The following PRKCI variants were observed in gnomAD, a reference collection of about 807,000 sequenced individuals.
The protein encoded by PRKCI is protein kinase C iota type.
In PRKCI, 43 loss-of-function variants were observed where a neutral mutation model predicts 84.0. That is an observed-to-expected ratio of 0.51 (90% CI 0.40 to 0.66). The LOEUF (loss-of-function observed/expected upper bound fraction) is 0.66. PRKCI is among the 30% of genes least tolerant of loss of function. The pLI, the probability that PRKCI is intolerant of heterozygous loss-of-function variation, is 0.00. For missense variants in PRKCI, 459 were observed against 745.6 expected (o/e 0.62, Z 4.48); for synonymous variants, 216 against 234.4 (o/e 0.92, Z 0.72).
chr3:170,246,103 C>T (rs950083656), intron 2 of PRKCI, among the ~76,000 whole-genome samples: 81 of 151,948 alleles, frequency 5.3e-4, no homozygotes, highest in African/African-American at 1.8e-3. Flanking sequence ...CAGGAGTGCT[C>T]CACCACGCCC....
intron 1 of PRKCI, among the ~76,000 whole-genome samples, chr3:170,234,057 G>C (rs1468465660): frequency 2.1e-4 from 18 of 87,662 alleles, no homozygotes; most frequent in African/African-American, 7.9e-4. Context: ...TTTTGAGATG[G>C]AGTTTCGCTC....
At chr3:170,269,688 G>A (rs7646679) in intron 5 of PRKCI, among the ~76,000 whole-genome samples, 12,314 of 152,062 alleles carry the variant, frequency 0.081, 1,198 homozygotes, top group African/African-American at 0.23. Flanking sequence ...CAAGTGCGGT[G>A]GCTCACACGT....
intron 11 of PRKCI, 62 bp from the exon 12 acceptor site, chr3:170,284,399 A>G (rs1428440946): frequency 3.0e-6 from 4 of 1,344,438 alleles, no homozygotes; most frequent in African/African-American, 3.0e-5. Flanking sequence ...TTGTGTTTCC[A>G]GTTGTAAATG....
At chr3:170,295,785 C>T (rs1455743314) in intron 14 of PRKCI, 126 bp from the exon 15 acceptor site, 1 of 434,984 alleles carries the variant, frequency 2.3e-6, no homozygotes, top group Non-Finnish European at 4.0e-6. Context: ...GTCAAAGCTG[C>T]AGTGAGCTGT....
chr3:170,296,362 A>G (rs898929065), intron 15 of PRKCI, among the ~76,000 whole-genome samples: 1 of 152,160 alleles, frequency 6.6e-6, no homozygotes, highest in African/African-American at 2.4e-5. Context: ...ATTTATTACC[A>G]TGTACTTTTT....
intron 16 of PRKCI, among the ~76,000 whole-genome samples, chr3:170,297,759 C>G (rs898597392): frequency 2.0e-5 from 3 of 151,268 alleles, no homozygotes; most frequent in Non-Finnish European, 4.4e-5. Context: ...CCCGGCCTAT[C>G]TCGGGCCAAA....
chr3:170,281,829 T>C, intron 10 of PRKCI, 53 bp from the exon 11 acceptor site: 1 of 1,530,962 alleles, frequency 6.5e-7, no homozygotes, highest in Non-Finnish European at 8.8e-7. Context: ...AAATGCAAAG[T>C]TACACTACCT....
Position 170,235,310 on chromosome 3 carries a change from A to G in PRKCI, c.182A>G (p.Asp61Gly), listed in dbSNP as rs1350537092. The part of the protein sequence containing the change: ...CNEVRDMCSF[D>G]NEQLFTMKWI... Reference sequence around the variant, plus strand: ...GAGGTTCGAGACATGTGTTCTTTTGACAACGAACAGCTCTTCACCATGAAA... The same window carrying G: ...GAGGTTCGAGACATGTGTTCTTTTGGCAACGAACAGCTCTTCACCATGAAA... Residue 61 changes from aspartate to glycine, a missense_variant, in exon 2 of 18, where the codon GAC becomes GGC. Around this residue, in one of 2 missense-constraint regions of PRKCI, gnomAD observed 250 missense variants for 319.7 expected, o/e 0.78. Coordinates refer to ENST00000295797, the MANE Select transcript of PRKCI (RefSeq NM_002740.6). 6.2e-7 allele frequency: 1 copy of G among 1,614,088 alleles called. No homozygotes were observed. The highest frequency in any genetic ancestry group is 8.5e-7 in the Non-Finnish European group (1 of 1,179,980).
intron 8 of PRKCI, among the ~76,000 whole-genome samples, chr3:170,277,434 T>C (rs1734142316): frequency 6.6e-6 from 1 of 152,018 alleles, no homozygotes; most frequent in African/African-American, 2.4e-5. Context: ...AACTTGGGCG[T>C]GATGGCTCAC....
In PRKCI at chr3:170,305,465, A is replaced by C. The variant is rs1053355129; in HGVS notation, c.*2338A>C. 46 of 152,626 alleles carry C rather than the reference A, an allele frequency of 3.0e-4. No individual in the cohort carries two copies. Among genetic ancestry groups the C allele is most frequent in the African/African-American group, 1.1e-3 (46 of 41,454 alleles). 9.5% of individuals were successfully genotyped at this position (152,626 alleles called of 1,614,324 possible). ...TCTACCTTCCCACCAGCCCCCCAAA[A>C]AACCTCTCAGTAGTTTCTTTCAGTG... On this transcript the variant is annotated 3_prime_UTR_variant, in exon 18 of 18. Transcript: ENST00000295797.
At position 170,246,027 on chromosome 3, in the gene PRKCI, T is replaced by TAC. The variant is rs1733275691; in HGVS notation, c.223+10676_223+10677insAC. On this transcript the variant is annotated intron_variant, in intron 2 of 17. Coordinates refer to ENST00000295797, the MANE Select transcript of PRKCI (RefSeq NM_002740.6). ...TGGAATGCAGTGGTGTGATCATGGC[T>TAC]CACTGCAGCCTACCTCTCAGGCTAA... 6.1e-5 allele frequency among the ~76,000 whole-genome samples: 9 copies of TAC among 147,290 alleles called. 1 individual carries two copies. The South Asian group carries it at 6.6e-4, about 11-fold the overall frequency.
Position 170,305,647 on chromosome 3 carries a change from C to CT in PRKCI, c.*2523dup. On this transcript the variant is annotated 3_prime_UTR_variant, in exon 18 of 18. Transcript: ENST00000295797. ...TTAATTGTGTTCTGTTTTTTGCAGTCTTTAAGTGCCATGCCAATTGTTCTT... is the reference window on the plus strand; with the variant it reads ...TTAATTGTGTTCTGTTTTTTGCAGTCTTTTAAGTGCCATGCCAATTGTTCTT... The CT allele has an allele frequency of 1.3e-5, 2 of 152,212 alleles. No individual in the cohort carries two copies. The highest frequency in any genetic ancestry group is 4.8e-5 in the African/African-American group (2 of 41,538). 9.4% of individuals were successfully genotyped at this position (152,212 alleles called of 1,614,324 possible).
intron 8 of PRKCI, among the ~76,000 whole-genome samples, chr3:170,278,425 G>C (rs1734169899): frequency 6.6e-6 from 1 of 152,160 alleles, no homozygotes; most frequent in South Asian, 2.1e-4. Flanking sequence ...TTTAGACCGG[G>C]AGGATCATTT....
In PRKCI at chr3:170,295,980, T is replaced by A; in HGVS notation, c.1487T>A (p.Phe496Tyr). The change falls in exon 15 of 18, where the codon TTT becomes TAT. Residue 496 changes from phenylalanine to tyrosine, a missense_variant. Coordinates refer to ENST00000295797, the MANE Select transcript of PRKCI (RefSeq NM_002740.6). ...AAAGCTGCAAGTGTTCTGAAGAGTTTTCTTAATAAGGTATAAATTGTGTAT... is the reference window on the plus strand; with the variant it reads ...AAAGCTGCAAGTGTTCTGAAGAGTTATCTTAATAAGGTATAAATTGTGTAT... ...SVKAASVLKS[F>Y]LNKDPKERLG... 1.3e-6 allele frequency: 2 copies of A among 1,544,098 alleles called. No homozygotes were observed. Among genetic ancestry groups the A allele is most frequent in the Non-Finnish European group, 1.8e-6 (2 of 1,135,948 alleles).
chr3:170,301,911 G>C (rs1734829541), intron 17 of PRKCI, among the ~76,000 whole-genome samples: 1 of 152,078 alleles, frequency 6.6e-6, no homozygotes, highest in African/African-American at 2.4e-5. Context: ...CCCCACATCT[G>C]CTCCAGCCTG....
intron 4 of PRKCI, among the ~76,000 whole-genome samples, chr3:170,264,909 G>A (rs1560176337): frequency 6.6e-6 from 1 of 152,020 alleles, no homozygotes. Context: ...CTCCAGGCTG[G>A]GTGCAGTGGC....
intron 1 of PRKCI, among the ~76,000 whole-genome samples, chr3:170,225,756 T>C (rs1018175956): frequency 5.9e-5 from 9 of 151,936 alleles, no homozygotes; most frequent in Non-Finnish European, 1.2e-4. Context: ...GTTGACTCAT[T>C]TAATAGCCAG....
intron 2 of PRKCI, among the ~76,000 whole-genome samples, chr3:170,248,379 GGAA>G (rs749701868): frequency 1.7e-4 from 22 of 133,306 alleles, no homozygotes; most frequent in South Asian, 2.7e-4. Flanking sequence ...ATTGGGGGGG[GGAA>G]AAAACCTGCT....
intron 1 of PRKCI, among the ~76,000 whole-genome samples, chr3:170,234,977 A>G (rs759068815): frequency 2.0e-5 from 3 of 151,078 alleles, no homozygotes; most frequent in African/African-American, 7.3e-5. Context: ...ACGGGGTTTC[A>G]CCATGTTGCC....
Sources: gnomAD v4.1 joint callset for allele counts (sites outside exome capture counted in the v4.1 genomes callset) on GRCh38, gnomAD v4.1.1 for gene constraint, gnomAD v4.1.1 regional missense constraint, MANE v1.5 for transcripts, NCBI Gene and HGNC (gene_info 2026-07-23, HGNC 2026-07-21) for gene names.